FHOD3: variants seen among roughly 807,000 people sequenced by gnomAD.
The protein encoded by FHOD3 is formin homology 2 domain containing 3.
A neutral mutation model predicts 173.0 loss-of-function variants in FHOD3; 90 were observed. The observed-to-expected ratio is 0.52, with a 90% CI of 0.44 to 0.62. The LOEUF (loss-of-function observed/expected upper bound fraction) is 0.62, where lower values mean the gene tolerates loss of function less well. Ranked by LOEUF, FHOD3 falls within the 20% of genes least tolerant of loss-of-function variation. The pLI, the probability that FHOD3 is intolerant of heterozygous loss-of-function variation, is 0.00. For missense variants in FHOD3, 1,945 were observed against 2,034.7 expected, an observed-to-expected ratio of 0.96 and a Z score of 0.85; for synonymous variants, 828 against 823.0, an observed-to-expected ratio of 1.01 and a Z score of -0.10.
intron 4 of FHOD3, among the ~76,000 whole-genome samples, chr18:36,510,951 A>T (rs4799419): frequency 0.095 from 14,462 of 152,164 alleles, 838 homozygotes; most frequent in South Asian, 0.21. Flanking sequence ...GAGCCTGGCC[A>T]CATTTACCTG....
chr18:36,654,841 T>C (rs1021035119), intron 13 of FHOD3, among the ~76,000 whole-genome samples: 1 of 152,334 alleles, frequency 6.6e-6, no homozygotes, highest in East Asian at 1.9e-4. Flanking sequence ...TGATTCCACC[T>C]GCTCAAGAGT....
intron 5 of FHOD3, among the ~76,000 whole-genome samples, chr18:36,526,961 A>G (rs1204332707): frequency 6.6e-6 from 1 of 152,246 alleles, no homozygotes; most frequent in East Asian, 1.9e-4. Flanking sequence ...GGAACCAAGA[A>G]TAGCTGAACC....
chr18:36,653,005 G>T (rs1180877859), intron 12 of FHOD3, 76 bp downstream of exon 12: 21 of 1,448,252 alleles, frequency 1.5e-5, no homozygotes, highest in Non-Finnish European at 1.9e-5. Flanking sequence ...GCACCCCTTG[G>T]CTTGGCTTCT....
chr18:36,573,589 G>A (rs558047721), intron 5 of FHOD3, among the ~76,000 whole-genome samples: 14 of 152,184 alleles, frequency 9.2e-5, no homozygotes, highest in Middle Eastern at 3.2e-3. Context: ...GGGTGACAGC[G>A]TGAGACCGTG....
intron 20 of FHOD3, among the ~76,000 whole-genome samples, chr18:36,739,046 A>C (rs975744847): frequency 2.6e-5 from 4 of 152,166 alleles, no homozygotes; most frequent in African/African-American, 9.7e-5. Context: ...ACTGACAAAA[A>C]CCACAGATGG....
intron 3 of FHOD3, among the ~76,000 whole-genome samples, chr18:36,392,480 A>C (rs2048349312): frequency 6.6e-6 from 1 of 152,196 alleles, no homozygotes; most frequent in Admixed American, 6.5e-5. Flanking sequence ...GTCTGCTAAG[A>C]AAGCCCTCCC....
chr18:36,444,613 A>T (rs1412714472), intron 3 of FHOD3, among the ~76,000 whole-genome samples: 2 of 151,656 alleles, frequency 1.3e-5, no homozygotes, highest in Non-Finnish European at 2.9e-5. Flanking sequence ...CTGGTTTATC[A>T]TTCTGTTATT....
rs201292756 is a variant in FHOD3, at chr18:36,755,101, A to G, written c.4233-18A>G. ...TCTTAAAACGGAAGTCATTGCTATTACTGTTTTTTCCTTGCAGATTCCACT... is the reference window on the plus strand; with the variant it reads ...TCTTAAAACGGAAGTCATTGCTATTGCTGTTTTTTCCTTGCAGATTCCACT... On this transcript the variant is annotated intron_variant, in intron 24 of 28. Coordinates refer to ENST00000590592, the MANE Select transcript of FHOD3 (RefSeq NM_001281740.3). The G allele has an allele frequency of 4.6e-6, 7 of 1,529,404 alleles. No individual in the cohort carries two copies. In the African/African-American group the frequency reaches 8.4e-5, roughly 18 times the overall value. The allele number at this position is 1,529,404 out of a possible 1,614,324, so 94.7% of individuals were successfully genotyped here.
At chr18:36,656,493 G>A (rs1273377559) in intron 13 of FHOD3, among the ~76,000 whole-genome samples, 2 of 152,134 alleles carry the variant, frequency 1.3e-5, no homozygotes, top group Non-Finnish European at 2.9e-5. Context: ...AATAAGGACA[G>A]CAACAGCCAA....
At chr18:36,743,881 G>T in intron 22 of FHOD3, 151 bp from the exon 23 acceptor site, 1 of 839,698 alleles carries the variant, frequency 1.2e-6, no homozygotes, top group Non-Finnish European at 1.9e-6. Context: ...TGTGTGATCA[G>T]CCATGGATCA....
At chr18:36,644,507 G>T (rs1200519496) in intron 10 of FHOD3, among the ~76,000 whole-genome samples, 1 of 152,162 alleles carries the variant, frequency 6.6e-6, no homozygotes, top group African/African-American at 2.4e-5. Context: ...CATCCTGGAC[G>T]TAGGCCCTCC....
chr18:36,467,128 G>A (rs1184365947), intron 3 of FHOD3, among the ~76,000 whole-genome samples: 5 of 152,102 alleles, frequency 3.3e-5, no homozygotes, highest in African/African-American at 4.8e-5. Context: ...ACAGCAGGTG[G>A]ACAGGATGGT....
intron 1 of FHOD3, among the ~76,000 whole-genome samples, chr18:36,318,654 C>A (rs1305094911): frequency 6.6e-6 from 1 of 152,178 alleles, no homozygotes; most frequent in Non-Finnish European, 1.5e-5. Flanking sequence ...TCTAAATATA[C>A]AATCATGTCA....
chr18:36,762,023 G>A (rs1031705797), intron 27 of FHOD3, among the ~76,000 whole-genome samples: 4 of 152,022 alleles, frequency 2.6e-5, no homozygotes, highest in Non-Finnish European at 5.9e-5. Flanking sequence ...TAATGAACAT[G>A]CAGGCAGAAA....
chr18:36,465,326 C>G (rs142184988), intron 3 of FHOD3, among the ~76,000 whole-genome samples: 86 of 151,796 alleles, frequency 5.7e-4, no homozygotes, highest in African/African-American at 1.7e-3. Context: ...AACAAACAAA[C>G]AAAAAAAACA....
intron 6 of FHOD3, among the ~76,000 whole-genome samples, chr18:36,579,484 G>A (rs2058769716): frequency 6.6e-6 from 1 of 152,216 alleles, no homozygotes; most frequent in South Asian, 2.1e-4. Flanking sequence ...ATTACATAGA[G>A]AATGCTGTGG....
At chr18:36,776,331 G>A (rs1183628305) in intron 28 of FHOD3, among the ~76,000 whole-genome samples, 1 of 152,064 alleles carries the variant, frequency 6.6e-6, no homozygotes, top group East Asian at 1.9e-4. Context: ...AGAGGCTCAG[G>A]GTGTACATGT....
Position 36,588,805 on chromosome 18 carries a change from A to G in FHOD3, c.607-5982A>G, listed in dbSNP as rs190832054. On this transcript the variant is annotated intron_variant, in intron 6 of 28. Coordinates refer to ENST00000590592, the MANE Select transcript of FHOD3 (RefSeq NM_001281740.3). ...GGTGATTACATTTTATCTGAAATCT[A>G]GATACACAGGTTCTGTACAGGCAAC... Among the ~76,000 whole-genome samples, 22 of 152,296 alleles carry G rather than the reference A, an allele frequency of 1.4e-4. No homozygotes were observed. In the East Asian group the frequency reaches 4.0e-3, roughly 28 times the overall value.
intron 1 of FHOD3, among the ~76,000 whole-genome samples, chr18:36,327,987 C>G (rs187409024): frequency 5.4e-4 from 82 of 152,240 alleles, no homozygotes; most frequent in African/African-American, 1.9e-3. Flanking sequence ...CCCTTCAAGC[C>G]CCCCCACAAC....
Sources: allele counts gnomAD v4.1 joint callset (sites outside exome capture counted in the v4.1 genomes callset), GRCh38; gene constraint gnomAD v4.1.1; transcripts MANE v1.5; gene names NCBI Gene and HGNC (gene_info 2026-07-23, HGNC 2026-07-21).